The following SH3D19 variants were observed in gnomAD, a reference collection of about 807,000 sequenced individuals.
SH3D19 encodes SH3 domain containing 19.
In SH3D19, 58 loss-of-function variants were observed where a neutral mutation model predicts 112.1. The ratio of observed to expected loss-of-function variants is 0.52; its 90% CI spans 0.42 to 0.64. SH3D19 has a LOEUF of 0.64. Ranked by LOEUF, SH3D19 falls within the 30% of genes least tolerant of loss-of-function variation. The pLI is 0.00. For missense variants in SH3D19, 1,090 were observed against 1,263.4 expected, an observed-to-expected ratio of 0.86 and a Z score of 2.08; for synonymous variants, 391 against 448.5, an observed-to-expected ratio of 0.87 and a Z score of 1.62.
intron 1 of SH3D19, chr4:151,283,331 A>C (rs1342176880): frequency 5.1e-6 from 8 of 1,574,626 alleles, no homozygotes; most frequent in Non-Finnish European, 7.0e-6. Context: ...ATGAGATCTT[A>C]ATTTGGATCC....
In SH3D19 at chr4:151,191,332, G is replaced by A. The variant is rs1357420841; in HGVS notation, c.153-3869C>T. On this transcript the variant is annotated intron_variant, in intron 2 of 19. Transcript: ENST00000604030. Reference sequence around the variant, plus strand: ...AAGACTTTGGGGGACTCTTACGAAGGCATGATTGGTTTTAAAATGTGAGGA... The same window carrying A: ...AAGACTTTGGGGGACTCTTACGAAGACATGATTGGTTTTAAAATGTGAGGA... Among the ~76,000 whole-genome samples, 5 of 152,136 alleles carry A rather than the reference G, an allele frequency of 3.3e-5. No individual in the cohort carries two copies. In the South Asian group the frequency reaches 1.0e-3, roughly 32 times the overall value.
At chr4:151,192,008 G>C (rs1762743506) in intron 2 of SH3D19, among the ~76,000 whole-genome samples, 1 of 135,820 alleles carries the variant, frequency 7.4e-6, no homozygotes, top group Non-Finnish European at 1.5e-5. Flanking sequence ...GCAGTGGCAT[G>C]ATCTTGGCTC....
Position 151,165,683 on chromosome 4 carries a change from G to A in SH3D19, c.1548C>T (p.Leu516=). Residue 516 remains leucine (L), a synonymous_variant, in exon 8 of 20, where the codon CTC becomes CTT. Coordinates refer to ENST00000604030, the MANE Select transcript of SH3D19 (RefSeq NM_001378122.1). The stretch of plus-strand genomic sequence containing the variant: ...CTTTTATTGGTTCTGTTTTTGCAGG[G>A]AGCTGAAAGGGATCTAATGAAAAAC... ...GSEMVLDPFQ[L]PAKTEPIKER... is the part of the protein sequence containing the mutation. The A allele has an allele frequency of 1.2e-6, 2 of 1,614,016 alleles. No homozygotes were observed. Among genetic ancestry groups the A allele is most frequent in the Middle Eastern group, 1.6e-4 (1 of 6,062 alleles).
chr4:151,315,942 G>C (rs1392038213), intron 1 of SH3D19, among the ~76,000 whole-genome samples: 1 of 152,082 alleles, frequency 6.6e-6, no homozygotes, highest in African/African-American at 2.4e-5. Flanking sequence ...TGGAAAGAGA[G>C]GAAAAAGGCT....
At chr4:151,181,888 C>A (rs1199775831) in intron 3 of SH3D19, among the ~76,000 whole-genome samples, 1 of 152,112 alleles carries the variant, frequency 6.6e-6, no homozygotes, top group Admixed American at 6.6e-5. Context: ...AGTTGATGAT[C>A]CACAGATTCA....
rs116227427 is a variant in SH3D19, at chr4:151,179,231, T to C, written c.236+124A>G. Reference sequence around the variant, plus strand: ...CTTATAAGTTAATTCAGGAGATATATTGATGAAGCAGAATACAAGAATACA... The same window carrying C: ...CTTATAAGTTAATTCAGGAGATATACTGATGAAGCAGAATACAAGAATACA... On this transcript the variant is annotated intron_variant, in intron 4 of 19. Transcript: ENST00000604030. 4.1e-3 allele frequency: 1,970 copies of C among 482,056 alleles called. 33 individuals carry two copies. Among genetic ancestry groups the C allele is most frequent in the African/African-American group, 0.032 (1,582 of 50,076 alleles). The allele number at this position is 482,056 out of a possible 1,614,324, so 29.9% of individuals were successfully genotyped here.
intron 2 of SH3D19, among the ~76,000 whole-genome samples, chr4:151,195,510 T>C (rs139656224): frequency 4.6e-4 from 70 of 152,188 alleles, no homozygotes; most frequent in Admixed American, 7.2e-4. Context: ...ACATGGCCCC[T>C]GCCCATAGGT....
chr4:151,277,797 T>A (rs1394325768), intron 1 of SH3D19, among the ~76,000 whole-genome samples: 1 of 152,148 alleles, frequency 6.6e-6, no homozygotes, highest in East Asian at 1.9e-4. Context: ...TCCCAGCACT[T>A]TGGGATGCCA....
At chr4:151,321,821 T>C (rs1220870430) in intron 1 of SH3D19, among the ~76,000 whole-genome samples, 1 of 152,194 alleles carries the variant, frequency 6.6e-6, no homozygotes, top group African/African-American at 2.4e-5. Flanking sequence ...GTACAAGGCC[T>C]TCAGGCAATT....
intron 1 of SH3D19, among the ~76,000 whole-genome samples, chr4:151,301,051 G>A (rs10520108): frequency 0.079 from 12,034 of 152,276 alleles, 533 homozygotes; most frequent in Middle Eastern, 0.12. Flanking sequence ...GGTAAGAAAT[G>A]TAAGTGATAC....
chr4:151,272,789 T>G (rs1345901177), intron 1 of SH3D19, among the ~76,000 whole-genome samples: 2 of 130,606 alleles, frequency 1.5e-5, no homozygotes, highest in African/African-American at 2.6e-5. Context: ...CAAGGATACT[T>G]CATAGGGGGT....
intron 1 of SH3D19, among the ~76,000 whole-genome samples, chr4:151,319,951 ATCACCAT>A (rs1332877320): frequency 6.6e-6 from 1 of 152,238 alleles, no homozygotes; most frequent in Admixed American, 6.5e-5. Flanking sequence ...CTGCATTCAA[ATCACCAT>A]TCCAGTATTT....
Position 151,122,847 on chromosome 4 carries a change from CTTT to C in SH3D19, c.3028-643_3028-641del, listed in dbSNP as rs760704406. Among the ~76,000 whole-genome samples, 175 of 120,812 alleles carry C rather than the reference CTTT, an allele frequency of 1.4e-3. 4 individuals are homozygous for C. The East Asian group carries it at 0.032, about 22-fold the overall frequency. The allele number at this position is 120,812 out of a possible 152,430, so 79.3% of individuals were successfully genotyped here. ...TACTATGTTATCCTCATTTTAGAGA[CTTT>C]TTTTTTTTTTTTTTTTTTTGAGACG... is the stretch of plus-strand genomic sequence containing the variant. On this transcript the variant is annotated intron_variant, in intron 19 of 19. Coordinates refer to ENST00000604030, the MANE Select transcript of SH3D19 (RefSeq NM_001378122.1).
intron 6 of SH3D19, 144 bp from the exon 7 acceptor site, chr4:151,175,818 G>A (rs1561285748): frequency 3.7e-5 from 26 of 709,236 alleles, no homozygotes; most frequent in Non-Finnish European, 4.7e-5. Flanking sequence ...TTAGTAAAAA[G>A]TGATTCAAAA....
chr4:151,285,275 GAA>G (rs1363737780), intron 1 of SH3D19, among the ~76,000 whole-genome samples: 1 of 152,108 alleles, frequency 6.6e-6, no homozygotes, highest in Admixed American at 6.5e-5. Flanking sequence ...TTTAAAAACA[GAA>G]AGAGTCCTAA....
chr4:151,180,099 A>G (rs1223236156), intron 3 of SH3D19, among the ~76,000 whole-genome samples: 1 of 152,138 alleles, frequency 6.6e-6, no homozygotes, highest in Non-Finnish European at 1.5e-5. Context: ...GCTGGTCTCA[A>G]GCTCCTGGGT....
intron 1 of SH3D19, among the ~76,000 whole-genome samples, chr4:151,274,652 C>A (rs75171047): frequency 0.028 from 4,209 of 152,288 alleles, 182 homozygotes; most frequent in African/African-American, 0.092. Context: ...GAGCTCCTTT[C>A]CAGCTCTGGT....
intron 1 of SH3D19, chr4:151,282,178 G>A (rs754772564): frequency 7.4e-6 from 12 of 1,613,882 alleles, no homozygotes; most frequent in East Asian, 2.2e-5. Context: ...ATACTGTGTG[G>A]CTAGGATCGA....
chr4:151,204,106 C>T (rs1307561027), intron 2 of SH3D19, among the ~76,000 whole-genome samples: 1 of 152,008 alleles, frequency 6.6e-6, no homozygotes, highest in African/African-American at 2.4e-5. Flanking sequence ...TTCTACTTCT[C>T]CATGTTTTAT....
Sources: gnomAD v4.1 joint callset for allele counts (sites outside exome capture counted in the v4.1 genomes callset) on GRCh38, gnomAD v4.1.1 for gene constraint, MANE v1.5 for transcripts, NCBI Gene and HGNC (gene_info 2026-07-23, HGNC 2026-07-21) for gene names.